The following PRKCA variants were observed in gnomAD, a reference collection of about 807,000 sequenced individuals.
PRKCA encodes protein kinase C alpha type.
A neutral mutation model predicts 87.0 loss-of-function variants in PRKCA; 27 were observed. The observed-to-expected ratio is 0.31, with a 90% CI of 0.23 to 0.43. The LOEUF (loss-of-function observed/expected upper bound fraction) is 0.43. PRKCA is among the 20% of genes least tolerant of loss of function. The probability of loss-of-function intolerance (pLI) is 1.00; values close to 1 mark genes in which losing one functional copy is unlikely to be tolerated. For synonymous variants in PRKCA, 329 were observed against 311.1 expected (o/e 1.06, Z -0.61); for missense variants, 518 against 852.3 (o/e 0.61, Z 4.88).
chr17:66,506,163 G>A (rs1916966667), intron 3 of PRKCA, among the ~76,000 whole-genome samples: 1 of 152,096 alleles, frequency 6.6e-6, no homozygotes, highest in Non-Finnish European at 1.5e-5. Context: ...AGGCATGGTG[G>A]TGTGTGCCTG....
At chr17:66,369,106 A>G (rs1209590366) in intron 2 of PRKCA, among the ~76,000 whole-genome samples, 1 of 152,262 alleles carries the variant, frequency 6.6e-6, no homozygotes, top group Non-Finnish European at 1.5e-5. Context: ...TGTGTTAGCC[A>G]TAATTCAGAT....
chr17:66,690,239 C>G (rs768311630), intron 8 of PRKCA, among the ~76,000 whole-genome samples: 15 of 152,156 alleles, frequency 9.9e-5, no homozygotes, highest in Non-Finnish European at 1.6e-4. Flanking sequence ...ATGGCAGGGG[C>G]TCTTTGGTTA....
At chr17:66,768,098 C>T (rs915290667) in intron 13 of PRKCA, among the ~76,000 whole-genome samples, 19 of 152,158 alleles carry the variant, frequency 1.2e-4, no homozygotes, top group African/African-American at 3.9e-4. Context: ...TGTGTGCCAC[C>T]GGACCCAGCT....
chr17:66,753,745 C>T (rs965648691), intron 13 of PRKCA, among the ~76,000 whole-genome samples: 3 of 151,926 alleles, frequency 2.0e-5, no homozygotes, highest in African/African-American at 7.3e-5. Context: ...AGTGTTCTTA[C>T]GGGGAGGGGA....
At chr17:66,470,428 A>G (rs972072556) in intron 2 of PRKCA, among the ~76,000 whole-genome samples, 12 of 151,444 alleles carry the variant, frequency 7.9e-5, no homozygotes, top group Non-Finnish European at 1.5e-4. Context: ...GGGTTTCACC[A>G]TGTTGGCCAG....
rs377685703 is a variant in PRKCA at position 66,687,244 on chromosome 17, G to A, written c.663G>A (p.Pro221=). ...KTKTIRSTLN[P]QWNESFTFKL... Reference sequence around the variant, plus strand: ...AAACCATCCGCTCCACACTAAATCCGCAGTGGAATGAGTCCTTTACATTGT... The same window carrying A: ...AAACCATCCGCTCCACACTAAATCCACAGTGGAATGAGTCCTTTACATTGT... Residue 221 remains proline, a synonymous_variant, in exon 6 of 17, where the codon CCG becomes CCA. Transcript: ENST00000413366. The A allele has an allele frequency of 3.8e-5, 61 of 1,613,850 alleles. No homozygotes were observed. Among genetic ancestry groups the A allele is most frequent in the Non-Finnish European group, 4.8e-5 (57 of 1,179,962 alleles).
chr17:66,646,925 G>A (rs1433242471), intron 5 of PRKCA, among the ~76,000 whole-genome samples: 1 of 152,154 alleles, frequency 6.6e-6, no homozygotes. Flanking sequence ...ACTTTTTGTA[G>A]TTTTTAGAGA....
chr17:66,565,158 C>T (rs1346170550), intron 3 of PRKCA, among the ~76,000 whole-genome samples: 1 of 152,130 alleles, frequency 6.6e-6, no homozygotes, highest in Non-Finnish European at 1.5e-5. Context: ...TAAAATGGGA[C>T]TAAGTAATTC....
At chr17:66,522,347 C>T (rs1195371102) in intron 3 of PRKCA, among the ~76,000 whole-genome samples, 4 of 152,132 alleles carry the variant, frequency 2.6e-5, no homozygotes, top group African/African-American at 9.7e-5. Flanking sequence ...TTCCTGTTAG[C>T]ATTTAGTAGT....
chr17:66,784,853 C>A (rs1311470214), intron 14 of PRKCA, among the ~76,000 whole-genome samples: 1 of 152,168 alleles, frequency 6.6e-6, no homozygotes, highest in Non-Finnish European at 1.5e-5. Context: ...GCAGCCTGCA[C>A]CCCCTGGTGG....
At chr17:66,493,297 T>TTGTGTGTGTGTGTG (rs61513917) in intron 2 of PRKCA, among the ~76,000 whole-genome samples, 41 of 143,178 alleles carry the variant, frequency 2.9e-4, no homozygotes, top group African/African-American at 9.5e-4. Context: ...GTAGGTATAT[T>TTGTGTGTGTGTGTG]TGTGTGTGTG....
At chr17:66,666,474 T>G (rs755528732) in intron 5 of PRKCA, among the ~76,000 whole-genome samples, 27 of 152,176 alleles carry the variant, frequency 1.8e-4, no homozygotes, top group Non-Finnish European at 3.4e-4. Context: ...CACAAGCTGG[T>G]CCTACAAGCC....
Position 66,650,501 on chromosome 17 carries a change from A to T in PRKCA, c.529+4990A>T, listed in dbSNP as rs538713447. ...TTAATCTTGTAAGTAAATGGAAAAA[A>T]TATCGGGTGCTTTAGAGCTGTTTCA... On this transcript the variant is annotated intron_variant, in intron 5 of 16. Coordinates refer to ENST00000413366, the MANE Select transcript of PRKCA (RefSeq NM_002737.3). 1.9e-4 allele frequency among the ~76,000 whole-genome samples: 29 copies of T among 152,322 alleles called. 1 individual carries two copies. In the South Asian group the frequency reaches 5.8e-3, roughly 30 times the overall value.
intron 2 of PRKCA, among the ~76,000 whole-genome samples, chr17:66,474,684 A>G (rs1279802932): frequency 6.6e-6 from 1 of 152,208 alleles, no homozygotes; most frequent in African/African-American, 2.4e-5. Flanking sequence ...GCTGTGTTTT[A>G]TTATACCGGA....
At chr17:66,719,953 C>T (rs940832382) in intron 8 of PRKCA, among the ~76,000 whole-genome samples, 3 of 152,338 alleles carry the variant, frequency 2.0e-5, no homozygotes, top group South Asian at 2.1e-4. Flanking sequence ...GCTGCCTTCC[C>T]CATATACTCT....
intron 3 of PRKCA, among the ~76,000 whole-genome samples, chr17:66,550,895 A>G (rs531846784): frequency 1.3e-5 from 2 of 152,228 alleles, no homozygotes; most frequent in South Asian, 4.2e-4. Flanking sequence ...TTTTATGAAA[A>G]TGTCTTTTGT....
rs1249401982 is a variant in PRKCA at position 66,803,592 on chromosome 17, G to A, written c.1855-281G>A. Among the ~76,000 whole-genome samples, 1 of 152,136 alleles carries A rather than the reference G, an allele frequency of 6.6e-6. No homozygotes were observed. Among genetic ancestry groups the A allele is most frequent in the Admixed American group, 6.5e-5 (1 of 15,284 alleles). ...GCTTGCTCGGTGAGGTGGACGTGAGGGGACAGGGGCTGTCCCCTTGTTGCT... is the reference window on the plus strand; with the variant it reads ...GCTTGCTCGGTGAGGTGGACGTGAGAGGACAGGGGCTGTCCCCTTGTTGCT... On this transcript the variant is annotated intron_variant, in intron 16 of 16. Coordinates refer to ENST00000413366, the MANE Select transcript of PRKCA (RefSeq NM_002737.3). The surrounding 1 kb of genome is among the most constrained non-coding windows in gnomAD (Gnocchi z 4.4).
chr17:66,427,073 T>A (rs1912851091), intron 2 of PRKCA, among the ~76,000 whole-genome samples: 1 of 152,178 alleles, frequency 6.6e-6, no homozygotes, highest in Non-Finnish European at 1.5e-5. Flanking sequence ...TCTTGCTCTG[T>A]CTTCCAGGAG....
chr17:66,564,576 T>A (rs1262536540), intron 3 of PRKCA, among the ~76,000 whole-genome samples: 1 of 152,200 alleles, frequency 6.6e-6, no homozygotes, highest in African/African-American at 2.4e-5. Flanking sequence ...TTCAGATAAT[T>A]CAGTGATTGA....
Sources: allele counts gnomAD v4.1 joint callset (sites outside exome capture counted in the v4.1 genomes callset), GRCh38; gene constraint gnomAD v4.1.1; non-coding constraint Gnocchi (gnomAD v3.1); transcripts MANE v1.5; gene names NCBI Gene and HGNC (gene_info 2026-07-23, HGNC 2026-07-21).